The following KCTD16 variants were observed in gnomAD, a reference collection of about 807,000 sequenced individuals.
KCTD16 encodes BTB/POZ domain-containing protein KCTD16.
A neutral mutation model predicts 33.2 loss-of-function variants in KCTD16; 13 were observed. That is an observed-to-expected ratio of 0.39 (90% CI 0.25 to 0.62). The LOEUF (loss-of-function observed/expected upper bound fraction) is 0.62. Among genes scored for constraint, KCTD16 ranks in the 20% least tolerant of loss-of-function variants. The pLI is 0.50. For missense variants in KCTD16, 441 were observed against 525.1 expected (o/e 0.84, Z 1.57); for synonymous variants, 197 against 195.3 (o/e 1.01, Z -0.07).
Position 144,299,914 on chromosome 5 carries a change from A to AC in KCTD16, c.832+92368_832+92369insC, listed in dbSNP as rs1277923343. The stretch of plus-strand genomic sequence containing the variant: ...AGAATCATTTAAAAAAAAAAAAAAA[A>AC]ACAAAAAACAAAAAACAAAAAGACC... On this transcript the variant is annotated intron_variant, in intron 3 of 3. Transcript: ENST00000512467. Among the ~76,000 whole-genome samples the AC allele has an allele frequency of 1.1e-3, 161 of 147,716 alleles. 1 individual carries two copies. The highest frequency in any genetic ancestry group is 6.8e-3 in the Middle Eastern group (2 of 294).
intron 3 of KCTD16, among the ~76,000 whole-genome samples, chr5:144,281,042 C>T (rs992930296): frequency 6.7e-6 from 1 of 148,390 alleles, no homozygotes; most frequent in African/African-American, 2.6e-5. Context: ...ATTAGCCGGG[C>T]GTAGTGGTGG....
chr5:144,214,930 T>G lies in KCTD16; in HGVS notation c.832+7384T>G, dbSNP rs143982853. On this transcript the variant is annotated intron_variant, in intron 3 of 3. Coordinates refer to ENST00000512467, the MANE Select transcript of KCTD16 (RefSeq NM_020768.4). Reference sequence around the variant, plus strand: ...GAACAAATGTAGGTATAGTACTTTATAAATATTTCTTTAGAATGCATTTTT... The same window carrying G: ...GAACAAATGTAGGTATAGTACTTTAGAAATATTTCTTTAGAATGCATTTTT... 2.3e-3 allele frequency among the ~76,000 whole-genome samples: 344 copies of G among 152,348 alleles called. 3 individuals carry two copies. Among genetic ancestry groups the G allele is most frequent in the African/African-American group, 7.5e-3 (313 of 41,568 alleles).
chr5:144,266,384 C>A (rs1468350770), intron 3 of KCTD16, among the ~76,000 whole-genome samples: 1 of 152,010 alleles, frequency 6.6e-6, no homozygotes, highest in African/African-American at 2.4e-5. Context: ...CCAAAGAGAG[C>A]CTAGAATATT....
chr5:144,429,930 A>G (rs1265252611), intron 3 of KCTD16, among the ~76,000 whole-genome samples: 1 of 152,062 alleles, frequency 6.6e-6, no homozygotes, highest in Non-Finnish European at 1.5e-5. Context: ...GGAAAGGAGG[A>G]GAAATAGAAA....
intron 3 of KCTD16, among the ~76,000 whole-genome samples, chr5:144,399,582 T>C (rs1216582044): frequency 6.6e-6 from 1 of 152,192 alleles, no homozygotes; most frequent in Non-Finnish European, 1.5e-5. Context: ...TCTAAAAATC[T>C]GATTAAAATG....
rs532853920 is a variant in KCTD16 at position 144,249,732 on chromosome 5, C to G, written c.832+42186C>G. 7.6e-4 allele frequency among the ~76,000 whole-genome samples: 115 copies of G among 152,232 alleles called. 1 individual carries two copies. Among genetic ancestry groups the G allele is most frequent in the African/African-American group, 2.7e-3 (112 of 41,534 alleles). On this transcript the variant is annotated intron_variant, in intron 3 of 3. Transcript: ENST00000512467. ...AACAATACAAGATCAATAGGTCAGG[C>G]TATCCGTATTTTATATATGAAAATG...
At chr5:144,289,829 A>G (rs1187980110) in intron 3 of KCTD16, among the ~76,000 whole-genome samples, 1 of 152,206 alleles carries the variant, frequency 6.6e-6, no homozygotes, top group African/African-American at 2.4e-5. Context: ...TCCAATAAGC[A>G]AAATATTATA....
At chr5:144,284,165 G>T (rs1347312037) in intron 3 of KCTD16, among the ~76,000 whole-genome samples, 1 of 152,148 alleles carries the variant, frequency 6.6e-6, no homozygotes, top group Non-Finnish European at 1.5e-5. Context: ...TCAAAGACTT[G>T]CCTTGATTGG....
At chr5:144,408,229 A>G (rs2126951646) in intron 3 of KCTD16, among the ~76,000 whole-genome samples, 1 of 152,354 alleles carries the variant, frequency 6.6e-6, no homozygotes, top group Non-Finnish European at 1.5e-5. Flanking sequence ...TAACTGGGAA[A>G]AAAGCACAAA....
intron 3 of KCTD16, among the ~76,000 whole-genome samples, chr5:144,467,011 T>A (rs1218229963): frequency 7.9e-6 from 1 of 126,902 alleles, no homozygotes; most frequent in Non-Finnish European, 1.7e-5. Context: ...ATATATTATA[T>A]ATAATATATA....
At chr5:144,172,573 C>G (rs1490119704) in intron 1 of KCTD16, among the ~76,000 whole-genome samples, 1 of 152,194 alleles carries the variant, frequency 6.6e-6, no homozygotes, top group African/African-American at 2.4e-5. Context: ...CACCTTTCAT[C>G]AATCATTTTA....
intron 3 of KCTD16, among the ~76,000 whole-genome samples, chr5:144,254,537 T>C (rs1440830092): frequency 2.0e-5 from 3 of 152,212 alleles, no homozygotes. Context: ...ATACTTAACA[T>C]GAGATCTGCC....
chr5:144,211,250 T>C (rs1753381586), intron 3 of KCTD16, among the ~76,000 whole-genome samples: 1 of 152,184 alleles, frequency 6.6e-6, no homozygotes, highest in Non-Finnish European at 1.5e-5. Context: ...TTAGCTAAGC[T>C]TGACTTTAAC....
chr5:144,401,830 G>A (rs1752710648), intron 3 of KCTD16, among the ~76,000 whole-genome samples: 1 of 152,186 alleles, frequency 6.6e-6, no homozygotes, highest in Admixed American at 6.5e-5. Flanking sequence ...TCATAGATAT[G>A]GAAAGAAGCT....
intron 3 of KCTD16, among the ~76,000 whole-genome samples, chr5:144,436,453 G>A (rs2126973262): frequency 6.6e-6 from 1 of 152,268 alleles, no homozygotes; most frequent in South Asian, 2.1e-4. Context: ...CTCACGGAAA[G>A]AGAAAGGATT....
intron 3 of KCTD16, among the ~76,000 whole-genome samples, chr5:144,279,610 G>C (rs1391421672): frequency 6.6e-6 from 1 of 152,196 alleles, no homozygotes; most frequent in Non-Finnish European, 1.5e-5. Context: ...CCTTCTTGCT[G>C]TGTTATCTTG....
intron 3 of KCTD16, among the ~76,000 whole-genome samples, chr5:144,394,512 A>G (rs985372182): frequency 6.6e-6 from 1 of 152,186 alleles, no homozygotes; most frequent in African/African-American, 2.4e-5. Context: ...GAACATACAA[A>G]TTAAGTATTG....
rs572575292 is a variant in KCTD16 at position 144,258,484 on chromosome 5, G to C, written c.832+50938G>C. On this transcript the variant is annotated intron_variant, in intron 3 of 3. Transcript: ENST00000512467. ...TGTTCAGCTGAAGAGACAATGTTTA[G>C]TGTGGTTAAATATATAACCAAAGTG... Among the ~76,000 whole-genome samples the C allele has an allele frequency of 2.6e-5, 4 of 152,296 alleles. 1 individual carries two copies. Among genetic ancestry groups the C allele is most frequent in the African/African-American group, 9.6e-5 (4 of 41,566 alleles).
chr5:144,250,699 A>C (rs1486096327), intron 3 of KCTD16, among the ~76,000 whole-genome samples: 2 of 152,182 alleles, frequency 1.3e-5, no homozygotes, highest in Non-Finnish European at 2.9e-5. Context: ...TTGTGACTCT[A>C]CCACTTATTA....
Sources: gnomAD v4.1 joint callset for allele counts (sites outside exome capture counted in the v4.1 genomes callset) on GRCh38, gnomAD v4.1.1 for gene constraint, MANE v1.5 for transcripts, NCBI Gene and HGNC (gene_info 2026-07-23, HGNC 2026-07-21) for gene names.